The following LRBA variants were observed in gnomAD, a reference collection of about 807,000 sequenced individuals.
LRBA encodes the protein lipopolysaccharide-responsive and beige-like anchor protein.
Under a neutral mutation model 330.0 loss-of-function variants are expected in LRBA, and 176 were observed. The observed-to-expected ratio is 0.53, with a 90% CI of 0.47 to 0.60. LRBA has a LOEUF of 0.60. Among genes scored for constraint, LRBA ranks in the 20% least tolerant of loss-of-function variants. LRBA has a pLI of 0.00. For missense variants in LRBA, 3,259 were observed against 3,444.8 expected (o/e 0.95, Z 1.35); for synonymous variants, 1,230 against 1,193.0 (o/e 1.03, Z -0.64).
At chr4:150,712,365 T>C (rs1786307774) in intron 36 of LRBA, among the ~76,000 whole-genome samples, 1 of 152,170 alleles carries the variant, frequency 6.6e-6, no homozygotes, top group Admixed American at 6.6e-5. Context: ...ATTTAATGAC[T>C]ACAAATTCCC....
chr4:150,439,945 A>G (rs1343423826), intron 44 of LRBA, among the ~76,000 whole-genome samples: 2 of 152,178 alleles, frequency 1.3e-5, no homozygotes, highest in African/African-American at 4.8e-5. Context: ...AAAGTGCATC[A>G]AAGCATTTTT....
At chr4:150,420,421 A>G (rs992493113) in intron 46 of LRBA, among the ~76,000 whole-genome samples, 6 of 105,306 alleles carry the variant, frequency 5.7e-5, no homozygotes, top group African/African-American at 2.3e-4. Context: ...ACATTATAGT[A>G]TATATAAAGT....
At chr4:150,290,291 GTC>G (rs1319323151) in intron 53 of LRBA, among the ~76,000 whole-genome samples, 1 of 152,062 alleles carries the variant, frequency 6.6e-6, no homozygotes, top group African/African-American at 2.4e-5. Flanking sequence ...TCTCATTGAA[GTC>G]TCTAAACCAA....
rs546072997 is a variant in LRBA at position 150,315,426 on chromosome 4, T to C, written c.7693+135A>G. On this transcript the variant is annotated intron_variant, in intron 51 of 56. Coordinates refer to ENST00000651943, the MANE Select transcript of LRBA (RefSeq NM_001364905.1). ...CCAGCATAGCCACAGCTCATTGCAT[T>C]CCAATTTGCATGCAAATGGTTTATC... 1.2e-5 allele frequency: 9 copies of C among 763,324 alleles called. No homozygotes were observed. In the East Asian group the frequency reaches 2.1e-4, roughly 18 times the overall value. 47.3% of individuals were successfully genotyped at this position (763,324 alleles called of 1,614,324 possible). A position where few individuals can be genotyped will look rare whatever the true frequency, so the allele number is the denominator to read the frequency against.
intron 22 of LRBA, among the ~76,000 whole-genome samples, chr4:150,853,607 A>G (rs560214675): frequency 2.0e-5 from 3 of 152,314 alleles, no homozygotes; most frequent in African/African-American, 7.2e-5. Context: ...ACTACAATAT[A>G]TTAGGCACCG....
intron 53 of LRBA, among the ~76,000 whole-genome samples, chr4:150,300,137 T>A (rs1202052328): frequency 1.3e-5 from 2 of 152,096 alleles, no homozygotes; most frequent in Non-Finnish European, 2.9e-5. Context: ...CATTTTTCTA[T>A]TCTAATATGT....
intron 40 of LRBA, chr4:150,580,913 C>T (rs573272884): frequency 1.6e-4 from 25 of 152,942 alleles, no homozygotes; most frequent in Admixed American, 3.3e-4. Context: ...CTTTTAAAAG[C>T]AAGAGTCAAT....
chr4:150,464,011 A>C (rs1426225527), intron 44 of LRBA, among the ~76,000 whole-genome samples: 2 of 103,076 alleles, frequency 1.9e-5, no homozygotes, highest in South Asian at 5.3e-4. Context: ...CATATCCTCA[A>C]AAAAAAAAAA....
intron 2 of LRBA, among the ~76,000 whole-genome samples, chr4:151,003,844 C>G (rs1180787516): frequency 1.3e-5 from 2 of 151,156 alleles, no homozygotes; most frequent in Admixed American, 6.6e-5. Flanking sequence ...ACAGAATAGA[C>G]AGACAATCCA....
In LRBA at chr4:150,265,675, G is replaced by A; in HGVS notation, c.*47C>T. On this transcript the variant is annotated 3_prime_UTR_variant, in exon 57 of 57. Coordinates refer to ENST00000651943, the MANE Select transcript of LRBA (RefSeq NM_001364905.1). ...GTGGTAGAAGAGAATGATGCTCCAG[G>A]TACTTCTGCTCATCCTAGGGGCAGA... 8.6e-7 allele frequency: 1 copy of A among 1,166,382 alleles called. No homozygotes were observed. Among genetic ancestry groups the A allele is most frequent in the Non-Finnish European group, 1.3e-6 (1 of 771,546 alleles). 72.3% of individuals were successfully genotyped at this position (1,166,382 alleles called of 1,614,324 possible).
At chr4:150,559,656 A>AC (rs1193459104) in intron 40 of LRBA, among the ~76,000 whole-genome samples, 1 of 44,364 alleles carries the variant, frequency 2.3e-5, no homozygotes, top group Non-Finnish European at 3.9e-5. Context: ...TATAATATAT[A>AC]ATTATAATAT....
intron 40 of LRBA, among the ~76,000 whole-genome samples, chr4:150,513,988 T>C (rs1048096864): frequency 3.9e-5 from 6 of 152,226 alleles, no homozygotes; most frequent in Non-Finnish European, 8.8e-5. Context: ...CTTTGTCCTA[T>C]GTCTTCTGCC....
intron 40 of LRBA, among the ~76,000 whole-genome samples, chr4:150,569,956 ACAT>A (rs1339586159): frequency 1.3e-5 from 2 of 152,130 alleles, no homozygotes; most frequent in Non-Finnish European, 2.9e-5. Context: ...CCAGAAGAAA[ACAT>A]CATACATATT....
At chr4:150,806,496 ATAATT>A in intron 32 of LRBA, 92 bp from the exon 33 acceptor site, 1 of 698,628 alleles carries the variant, frequency 1.4e-6, no homozygotes, top group Non-Finnish European at 2.0e-6. Context: ...ATATATATAT[ATAATT>A]ATTTAAAAAA....
At chr4:150,439,434 C>A (rs557466534) in intron 44 of LRBA, among the ~76,000 whole-genome samples, 2 of 151,642 alleles carry the variant, frequency 1.3e-5, no homozygotes, top group African/African-American at 4.8e-5. Context: ...GCCTGCTATA[C>A]GACAGCTATC....
intron 15 of LRBA, 106 bp downstream of exon 15, chr4:150,897,633 G>A (rs1184388820): frequency 6.6e-5 from 51 of 767,084 alleles, no homozygotes; most frequent in Admixed American, 2.4e-4. Context: ...TTTCCAATGT[G>A]TAACCACAGT....
chr4:150,666,669 C>A (rs1208066117), intron 37 of LRBA, among the ~76,000 whole-genome samples: 2 of 152,068 alleles, frequency 1.3e-5, no homozygotes, highest in African/African-American at 4.8e-5. Flanking sequence ...ATACAAGGAA[C>A]TTGAGCATCT....
chr4:150,963,955 C>T (rs1738541451), intron 2 of LRBA, among the ~76,000 whole-genome samples: 2 of 148,450 alleles, frequency 1.3e-5, no homozygotes, highest in Admixed American at 6.6e-5. Context: ...CTGCCGCGAC[C>T]CCGTCTGGGA....
chr4:150,473,295 G>T (rs1182039623), intron 42 of LRBA, among the ~76,000 whole-genome samples: 1 of 152,082 alleles, frequency 6.6e-6, no homozygotes, highest in Non-Finnish European at 1.5e-5. Context: ...TGAGCTGTTT[G>T]CATTTTATCA....
Sources: gnomAD v4.1 joint callset for allele counts (sites outside exome capture counted in the v4.1 genomes callset) on GRCh38, gnomAD v4.1.1 for gene constraint, MANE v1.5 for transcripts, NCBI Gene and HGNC (gene_info 2026-07-23, HGNC 2026-07-21) for gene names.